Variants in EBF3 observed in about 807,000 individuals in gnomAD.
EBF3 encodes transcription factor COE3.
A neutral mutation model predicts 77.1 loss-of-function variants in EBF3; 18 were observed. The ratio of observed to expected loss-of-function variants is 0.23; its 90% CI spans 0.16 to 0.35. EBF3 has a LOEUF of 0.35. EBF3 is among the 10% of genes least tolerant of loss of function. EBF3 has a pLI of 1.00. For missense variants in EBF3, 558 were observed against 860.0 expected (o/e 0.65, Z 4.39); for synonymous variants, 350 against 343.5 (o/e 1.02, Z -0.21).
chr10:129,946,983 T>C (rs1441857187), intron 6 of EBF3, among the ~76,000 whole-genome samples: 2 of 152,138 alleles, frequency 1.3e-5, no homozygotes, highest in Non-Finnish European at 2.9e-5. Context: ...TGGCAGCCCA[T>C]GTCTTGGTAA....
intron 6 of EBF3, among the ~76,000 whole-genome samples, chr10:129,940,879 TC>T (rs1182899770): frequency 6.6e-6 from 1 of 152,138 alleles, no homozygotes; most frequent in African/African-American, 2.4e-5. Flanking sequence ...CACTCGATCC[TC>T]CCATGTTGGG....
At chr10:129,891,920 T>C (rs558844797) in intron 6 of EBF3, among the ~76,000 whole-genome samples, 1 of 152,328 alleles carries the variant, frequency 6.6e-6, no homozygotes, top group South Asian at 2.1e-4. Flanking sequence ...TCTCCCCCAA[T>C]TATCCGGGAA....
intron 6 of EBF3, among the ~76,000 whole-genome samples, chr10:129,942,922 T>A (rs1857880862): frequency 6.6e-6 from 1 of 152,204 alleles, no homozygotes; most frequent in Non-Finnish European, 1.5e-5. Context: ...AGTTGCCAGA[T>A]CACGCGTTGA....
At chr10:129,942,855 G>A (rs1351755378) in intron 6 of EBF3, among the ~76,000 whole-genome samples, 3 of 152,158 alleles carry the variant, frequency 2.0e-5, no homozygotes, top group Non-Finnish European at 4.4e-5. Context: ...AATTGGGGTG[G>A]GAGGGACAGA....
Position 129,963,247 on chromosome 10 carries a change from C to T in EBF3, c.291+120G>A. On this transcript the variant is annotated intron_variant, in intron 2 of 16. Transcript: ENST00000440978. The surrounding 1 kb of genome is among the most constrained non-coding windows in gnomAD (Gnocchi z 7.1). ...CCCGGGCGGCCGCACGTGGCGGCGG[C>T]GGGGTGGCCTGGCGGAGCCGAGCCC... 1 of 1,383,400 alleles carries T rather than the reference C, an allele frequency of 7.2e-7. No homozygotes were observed. Among genetic ancestry groups the T allele is most frequent in the Non-Finnish European group, 9.5e-7 (1 of 1,054,812 alleles). The allele number at this position is 1,383,400 out of a possible 1,614,324, so 85.7% of individuals were successfully genotyped here.
intron 6 of EBF3, among the ~76,000 whole-genome samples, chr10:129,878,280 A>C (rs968645821): frequency 2.0e-5 from 3 of 152,240 alleles, no homozygotes; most frequent in African/African-American, 7.2e-5. Flanking sequence ...TCACTAAAAA[A>C]TTGCTGTTGA....
chr10:129,838,914 G>A (rs546422473), intron 16 of EBF3, among the ~76,000 whole-genome samples, 169 bp downstream of exon 16: 31 of 152,306 alleles, frequency 2.0e-4, no homozygotes, highest in African/African-American at 7.2e-4. Flanking sequence ...CAGCCGGCCC[G>A]ACCCCGTGTC....
At chr10:129,847,302 G>A (rs1311188576) in intron 11 of EBF3, among the ~76,000 whole-genome samples, 2 of 152,170 alleles carry the variant, frequency 1.3e-5, no homozygotes, top group African/African-American at 4.8e-5. Context: ...AGCCCTAGAT[G>A]GAGGCTGGCA....
Position 129,861,506 on chromosome 10 carries a change from C to T in EBF3, c.1039+5635G>A, listed in dbSNP as rs1851635626. Among the ~76,000 whole-genome samples the T allele has an allele frequency of 6.6e-6, 1 of 151,464 alleles. No homozygotes were observed. Among genetic ancestry groups the T allele is most frequent in the African/African-American group, 2.4e-5 (1 of 41,134 alleles). ...CCAAGCTATTCTCTGATAGAACCAACCTGATAGAAAAGCAAAGGTGCCTGG... is the reference window on the plus strand; with the variant it reads ...CCAAGCTATTCTCTGATAGAACCAATCTGATAGAAAAGCAAAGGTGCCTGG... On this transcript the variant is annotated intron_variant, in intron 10 of 16. Coordinates refer to ENST00000440978, the MANE Select transcript of EBF3 (RefSeq NM_001375380.1). The surrounding 1 kb of genome is among the most constrained non-coding windows in gnomAD (Gnocchi z 4.3).
Position 129,863,564 on chromosome 10 carries a change from C to T in EBF3, c.1039+3577G>A, listed in dbSNP as rs1423106351. On this transcript the variant is annotated intron_variant, in intron 10 of 16. Coordinates refer to ENST00000440978, the MANE Select transcript of EBF3 (RefSeq NM_001375380.1). This position sits in a 1 kb window ranked among gnomAD's most constrained non-coding sequence, Gnocchi z 4.0. ...TAGCCCTCCGCCTGGCGGCCCCAGC[C>T]GGCCTCACGTGGGGAAGGTTAAATG... is the stretch of plus-strand genomic sequence containing the variant. Among the ~76,000 whole-genome samples the T allele has an allele frequency of 2.0e-5, 3 of 152,256 alleles. No individual in the cohort carries two copies. The highest frequency in any genetic ancestry group is 4.8e-5 in the African/African-American group (2 of 41,472).
rs1851759913 is a variant in EBF3, at chr10:129,863,186, T to C, written c.1039+3955A>G. Among the ~76,000 whole-genome samples, 1 of 152,224 alleles carries C rather than the reference T, an allele frequency of 6.6e-6. No individual in the cohort carries two copies. The stretch of plus-strand genomic sequence containing the variant: ...AGCCGCTTGAAAATTGTTCTCTCTC[T>C]CTAATTTCTGACCTTCTTACAACAG... On this transcript the variant is annotated intron_variant, in intron 10 of 16. Transcript: ENST00000440978. The surrounding 1 kb of genome is among the most constrained non-coding windows in gnomAD (Gnocchi z 4.0).
intron 10 of EBF3, among the ~76,000 whole-genome samples, chr10:129,851,564 CGTATT>C (rs980623098): frequency 1.3e-5 from 2 of 152,090 alleles, no homozygotes; most frequent in African/African-American, 2.4e-5. Context: ...TTTTGAGAAA[CGTATT>C]GTAAGCTCCC....
intron 6 of EBF3, among the ~76,000 whole-genome samples, chr10:129,914,387 G>A (rs1236637876): frequency 1.3e-5 from 2 of 152,186 alleles, no homozygotes; most frequent in East Asian, 3.9e-4. Flanking sequence ...CCTGGGGAAG[G>A]TGGGGCACAG....
intron 3 of EBF3, 96 bp from the exon 4 acceptor site, chr10:129,962,322 G>T: frequency 9.0e-7 from 1 of 1,115,414 alleles, no homozygotes; most frequent in Non-Finnish European, 1.4e-6. Context: ...CAGGACTGCT[G>T]CCACGGTGAT....
intron 6 of EBF3, among the ~76,000 whole-genome samples, chr10:129,948,558 T>C (rs1030615594): frequency 8.6e-5 from 11 of 127,476 alleles, no homozygotes; most frequent in Non-Finnish European, 1.6e-4. Context: ...TATTCGTGTA[T>C]CAGCATTGGC....
At chr10:129,930,768 T>C (rs144860097) in intron 6 of EBF3, among the ~76,000 whole-genome samples, 14,046 of 143,884 alleles carry the variant, frequency 0.098, 1,516 homozygotes, top group African/African-American at 0.28. Context: ...CCCTCTCATA[T>C]ACCTATATCT....
At chr10:129,961,248 T>C (rs1859497243) in intron 4 of EBF3, among the ~76,000 whole-genome samples, 1 of 152,172 alleles carries the variant, frequency 6.6e-6, no homozygotes, top group Non-Finnish European at 1.5e-5. Context: ...AGCTTGGAAG[T>C]ATATTTTAAA....
At position 129,861,170 on chromosome 10, in the gene EBF3, A is replaced by G. The variant is rs1851607298; in HGVS notation, c.1039+5971T>C. Among the ~76,000 whole-genome samples the G allele has an allele frequency of 6.6e-6, 1 of 152,158 alleles. No individual in the cohort carries two copies. Among genetic ancestry groups the G allele is most frequent in the Non-Finnish European group, 1.5e-5 (1 of 68,024 alleles). On this transcript the variant is annotated intron_variant, in intron 10 of 16. Coordinates refer to ENST00000440978, the MANE Select transcript of EBF3 (RefSeq NM_001375380.1). The surrounding 1 kb of genome is among the most constrained non-coding windows in gnomAD (Gnocchi z 4.3). ...GTTTGGGTTGATGCTGTGCCGTAGCAGTGGGGAGGACAGCGGTGGGAGCCT... is the reference window on the plus strand; with the variant it reads ...GTTTGGGTTGATGCTGTGCCGTAGCGGTGGGGAGGACAGCGGTGGGAGCCT...
chr10:129,850,989 G>A (rs1236079212), intron 10 of EBF3, among the ~76,000 whole-genome samples: 1 of 152,250 alleles, frequency 6.6e-6, no homozygotes, highest in Admixed American at 6.5e-5. Flanking sequence ...GCCAGGGCAA[G>A]GCGCTGGCAC....
Sources: allele counts gnomAD v4.1 joint callset (sites outside exome capture counted in the v4.1 genomes callset), GRCh38; gene constraint gnomAD v4.1.1; non-coding constraint Gnocchi (gnomAD v3.1); transcripts MANE v1.5; gene names NCBI Gene and HGNC (gene_info 2026-07-23, HGNC 2026-07-21).